SLC9A3: variants seen among roughly 807,000 people sequenced by gnomAD.
SLC9A3 encodes the protein sodium/hydrogen exchanger 3.
Under a neutral mutation model 86.8 loss-of-function variants are expected in SLC9A3, and 37 were observed. The observed-to-expected ratio is 0.43, with a 90% CI of 0.33 to 0.56. The LOEUF (loss-of-function observed/expected upper bound fraction) is 0.56, where lower values mean the gene tolerates loss of function less well. Ranked by LOEUF, SLC9A3 falls within the 20% of genes least tolerant of loss-of-function variation. The probability of loss-of-function intolerance (pLI) is 0.06; values close to 1 mark genes in which losing one functional copy is unlikely to be tolerated. For synonymous variants in SLC9A3, 581 were observed against 528.3 expected (o/e 1.10, Z -1.37); for missense variants, 1,011 against 1,171.9 (o/e 0.86, Z 2.00).
At chr5:510,753 G>T (rs1740839812) in intron 1 of SLC9A3, among the ~76,000 whole-genome samples, 1 of 152,176 alleles carries the variant, frequency 6.6e-6, no homozygotes, top group African/African-American at 2.4e-5. Flanking sequence ...CCTGCGGGGG[G>T]AAGGCGAGGG....
chr5:484,187 G>A (rs1411964811), intron 5 of SLC9A3, among the ~76,000 whole-genome samples: 27 of 1,300 alleles, frequency 0.021, no homozygotes, highest in East Asian at 0.056. Context: ...GCTCGGGTTG[G>A]GGTCCCCCTG....
chr5:502,453 C>A (rs149454709), intron 1 of SLC9A3, among the ~76,000 whole-genome samples: 1 of 152,260 alleles, frequency 6.6e-6, no homozygotes, highest in African/African-American at 2.4e-5. Flanking sequence ...GCAGACCCAG[C>A]GGCGCCTACC....
chr5:485,889 G>A (rs1247473972), intron 3 of SLC9A3, among the ~76,000 whole-genome samples: 2 of 152,182 alleles, frequency 1.3e-5, no homozygotes, highest in Non-Finnish European at 1.5e-5. Context: ...GGTCTCTTGG[G>A]GCCTTCTCGG....
At chr5:522,333 G>A (rs1174501596) in intron 1 of SLC9A3, among the ~76,000 whole-genome samples, 1 of 152,240 alleles carries the variant, frequency 6.6e-6, no homozygotes, top group Non-Finnish European at 1.5e-5. Flanking sequence ...GCAAAGCCCT[G>A]GTCAGTGTGC....
intron 1 of SLC9A3, among the ~76,000 whole-genome samples, chr5:512,798 G>A (rs551314640): frequency 1.6e-3 from 245 of 152,296 alleles, no homozygotes; most frequent in African/African-American, 5.5e-3. Flanking sequence ...CGTGCACGGT[G>A]GGCAGGCTGA....
chr5:504,496 C>T (rs1051676135), intron 1 of SLC9A3, among the ~76,000 whole-genome samples: 5 of 152,192 alleles, frequency 3.3e-5, no homozygotes, highest in Admixed American at 1.3e-4. Flanking sequence ...CCAGTGTGTC[C>T]GGCGGCGGCA....
chr5:476,894 C>T (rs1738779319), intron 11 of SLC9A3, among the ~76,000 whole-genome samples: 1 of 152,246 alleles, frequency 6.6e-6, no homozygotes, highest in East Asian at 1.9e-4. Context: ...TCCTGGCCTC[C>T]TGTCTGAAGT....
In SLC9A3 at chr5:507,915, CCCACCCCACAGACGCCCGAATCT is replaced by C. The variant is rs1465727907; in HGVS notation, c.212-15867_212-15845del. ...TCCTCACCCCACAGACGCCCGAATC[CCCACCCCACAGACGCCCGAATCT>C]CCACCCCACAGACGCCCGAATCCCC... On this transcript the variant is annotated intron_variant, in intron 1 of 16. Transcript: ENST00000264938. 6.2e-4 allele frequency among the ~76,000 whole-genome samples: 77 copies of C among 124,602 alleles called. 2 individuals are homozygous for C. The highest frequency in any genetic ancestry group is 1.1e-3 in the African/African-American group (36 of 31,612). The allele number at this position is 124,602 out of a possible 152,430, so 81.7% of individuals were successfully genotyped here. A position where few individuals can be genotyped will look rare whatever the true frequency, so the allele number is the denominator to read the frequency against.
rs1229496691 is a variant in SLC9A3 at position 524,379 on chromosome 5, C to T, written c.-57G>A. ...CATGTCGCGGGGGGTCCCGGCTGGGCTGGGCCGACGCGCGGGGCTGGGACC... is the reference window on the plus strand; with the variant it reads ...CATGTCGCGGGGGGTCCCGGCTGGGTTGGGCCGACGCGCGGGGCTGGGACC... On this transcript the variant is annotated 5_prime_UTR_variant, in exon 1 of 17. Transcript: ENST00000264938. 1.9e-5 allele frequency: 15 copies of T among 787,078 alleles called. No individual in the cohort carries two copies. The East Asian group carries it at 6.3e-4, about 33-fold the overall frequency. 48.8% of individuals were successfully genotyped at this position (787,078 alleles called of 1,614,324 possible).
chr5:507,438 C>G (rs1186225411), intron 1 of SLC9A3, among the ~76,000 whole-genome samples: 2 of 151,520 alleles, frequency 1.3e-5, no homozygotes, highest in Non-Finnish European at 2.9e-5. Flanking sequence ...GCTAATTTTA[C>G]TATTTTTTGT....
chr5:510,087 C>G (rs1352354904), intron 1 of SLC9A3, among the ~76,000 whole-genome samples: 1 of 152,210 alleles, frequency 6.6e-6, no homozygotes, highest in East Asian at 1.9e-4. Context: ...CGCTGGAGGC[C>G]TGGGGGCATT....
At chr5:502,878 T>C (rs918540037) in intron 1 of SLC9A3, among the ~76,000 whole-genome samples, 2 of 109,846 alleles carry the variant, frequency 1.8e-5, no homozygotes, top group Non-Finnish European at 4.7e-5. Context: ...AGTGAAACTT[T>C]ACCACTCACT....
At chr5:502,124 CG>C (rs1740305891) in intron 1 of SLC9A3, among the ~76,000 whole-genome samples, 1 of 152,266 alleles carries the variant, frequency 6.6e-6, no homozygotes, top group Non-Finnish European at 1.5e-5. Flanking sequence ...ATGTTGCCCA[CG>C]GTTCCCTAGA....
At position 471,266 on chromosome 5, in the gene SLC9A3, C is replaced by G. The variant is rs1738344877; in HGVS notation, c.*2113G>C. The stretch of plus-strand genomic sequence containing the variant: ...TGGTAACCGGGTGTCCAGGGAGGAG[C>G]GATCGGGAGTGGCCAAGCAGTTGCC... On this transcript the variant is annotated 3_prime_UTR_variant, in exon 17 of 17. Transcript: ENST00000264938. 1 of 164,672 alleles carries G rather than the reference C, an allele frequency of 6.1e-6. No homozygotes were observed. The highest frequency in any genetic ancestry group is 1.5e-4 in the South Asian group (1 of 6,722). The allele number at this position is 164,672 out of a possible 1,614,324, so 10.2% of individuals were successfully genotyped here. A position where few individuals can be genotyped will look rare whatever the true frequency, so the allele number is the denominator to read the frequency against.
chr5:479,908 C>T lies in SLC9A3; in HGVS notation c.1575G>A (p.Gln525=), dbSNP rs948301970. Residue 525 remains glutamine, a synonymous_variant, in exon 10 of 17, where the codon CAG becomes CAA. Transcript: ENST00000264938. The stretch of plus-strand genomic sequence containing the variant: ...CATTCAGGATCCGGTCTCGAGACTT[C>T]TGGGCCGACCGTCTCATGAGGACCC... ...LSRVLMRRSA[Q]KSRDRILNVF... 1.2e-6 allele frequency: 2 copies of T among 1,613,892 alleles called. No homozygotes were observed. The highest frequency in any genetic ancestry group is 2.7e-5 in the African/African-American group (2 of 74,942).
chr5:485,006 T>C, intron 4 of SLC9A3, 147 bp downstream of exon 4: 2 of 692,986 alleles, frequency 2.9e-6, no homozygotes, highest in Non-Finnish European at 2.6e-6. Flanking sequence ...TGTGAATCGC[T>C]CTGGACGGGG....
At chr5:500,736 GGTGTGGACGGGGTCA>G (rs1740233196) in intron 1 of SLC9A3, among the ~76,000 whole-genome samples, 1 of 143,816 alleles carries the variant, frequency 7.0e-6, no homozygotes, top group Non-Finnish European at 1.5e-5. Context: ...GGACGGGGCT[GGTGTGGACGGGGTCA>G]GTGTGGACAC....
chr5:509,432 C>A (rs973005525), intron 1 of SLC9A3, among the ~76,000 whole-genome samples: 3 of 133,880 alleles, frequency 2.2e-5, no homozygotes, highest in African/African-American at 8.3e-5. Context: ...GCAGCCTGGG[C>A]GAGAGAGTGA....
chr5:512,603 G>A (rs1274792871), intron 1 of SLC9A3, among the ~76,000 whole-genome samples: 2 of 152,242 alleles, frequency 1.3e-5, no homozygotes, highest in Non-Finnish European at 2.9e-5. Context: ...AACGGCTGGG[G>A]TGTGGCTGGA....
Sources: allele counts gnomAD v4.1 joint callset (sites outside exome capture counted in the v4.1 genomes callset), GRCh38; gene constraint gnomAD v4.1.1; transcripts MANE v1.5; gene names NCBI Gene and HGNC (gene_info 2026-07-23, HGNC 2026-07-21).